Variants in MSTO1 observed in about 807,000 individuals in gnomAD.
MSTO1 encodes misato mitochondrial distribution and morphology regulator 1.
In MSTO1, 24 loss-of-function variants were observed where a neutral mutation model predicts 55.7. The ratio of observed to expected loss-of-function variants is 0.43; its 90% confidence interval spans 0.31 to 0.61. The LOEUF (loss-of-function observed/expected upper bound fraction) is 0.61, where lower values mean the gene tolerates loss of function less well. MSTO1 is among the 20% of genes least tolerant of loss of function. MSTO1 has a pLI of 0.09. For missense variants in MSTO1, 363 were observed against 625.7 expected (o/e 0.58, Z 4.48); for synonymous variants, 162 against 252.8 (o/e 0.64, Z 3.41).
the MSTO1 span, among the ~76,000 whole-genome samples, chr1:155,580,682 G>T: frequency 2.6e-5 from 4 of 152,108 alleles, no homozygotes. Context: ...ACTTTGGGAG[G>T]CCGAGGTGGG....
the MSTO1 span, among the ~76,000 whole-genome samples, chr1:155,588,408 G>C: frequency 6.6e-6 from 1 of 151,948 alleles, no homozygotes; most frequent in African/African-American, 2.4e-5. Flanking sequence ...GTTATTATTT[G>C]TTGGGTATTA....
At chr1:155,601,287 C>A in the MSTO1 span, among the ~76,000 whole-genome samples, 2 of 151,470 alleles carry the variant, frequency 1.3e-5, no homozygotes, top group Admixed American at 1.3e-4. Flanking sequence ...GCACCTGCCA[C>A]CACGCCCGGC....
chr1:155,612,449 A>C lies in MSTO1; in HGVS notation c.845A>C (p.Asn282Thr). 1 of 1,613,954 alleles carries C rather than the reference A, an allele frequency of 6.2e-7. No individual in the cohort carries two copies. The highest frequency in any genetic ancestry group is 1.1e-5 in the South Asian group (1 of 91,082). The change falls in exon 9 of 14, where the codon AAC becomes ACC. Residue 282 changes from asparagine to threonine, a missense_variant. Physicochemically the swap from Asn to Thr is moderately conservative, Grantham distance 65. Coordinates refer to ENST00000245564, the MANE Select transcript of MSTO1 (RefSeq NM_018116.4). The part of the protein sequence containing the change: ...EAQRNIYRLL[N>T]TAFGLVHLTA... Reference sequence around the variant, plus strand: ...CAGAGAAACATCTATCGTCTATTAAACACAGCTTTTGGTCTCGTGCACCTG... The same window carrying C: ...CAGAGAAACATCTATCGTCTATTAACCACAGCTTTTGGTCTCGTGCACCTG...
At chr1:155,576,744 T>C in the MSTO1 span, among the ~76,000 whole-genome samples, 1 of 150,452 alleles carries the variant, frequency 6.6e-6, no homozygotes, top group Non-Finnish European at 1.5e-5. Flanking sequence ...CTGAGCGCAG[T>C]GGCACACGCC....
chr1:155,563,275 G>A, the MSTO1 span: 1 of 456,240 alleles, frequency 2.2e-6, no homozygotes, highest in Admixed American at 2.4e-5. Flanking sequence ...TGTGGAGCTG[G>A]TCGCAGGCGG....
the MSTO1 span, among the ~76,000 whole-genome samples, chr1:155,572,378 T>A: frequency 6.6e-6 from 1 of 152,226 alleles, no homozygotes; most frequent in South Asian, 2.1e-4. Flanking sequence ...CTGGGTTTAG[T>A]ACAAAAGAAA....
At chr1:155,590,515 A>C in the MSTO1 span, 1 of 620,848 alleles carries the variant, frequency 1.6e-6, no homozygotes, top group Non-Finnish European at 2.7e-6. Flanking sequence ...AGGCAGAAAC[A>C]AAAGATATGA....
At chr1:155,577,249 C>T in the MSTO1 span, among the ~76,000 whole-genome samples, 2 of 151,278 alleles carry the variant, frequency 1.3e-5, no homozygotes, top group African/African-American at 2.4e-5. Flanking sequence ...CCACCACGCC[C>T]GGCTAATTTT....
chr1:155,613,261 T>C (rs759159269), intron 11 of MSTO1, 28 bp downstream of exon 11: 1 of 1,602,524 alleles, frequency 6.2e-7, no homozygotes, highest in South Asian at 1.1e-5. Flanking sequence ...TTAGGAGTCC[T>C]TGTCAGATTT....
At chr1:155,609,063 T>C (rs558880768), upstream of MSTO1, among the ~76,000 whole-genome samples, 2 of 148,464 alleles carry the variant, frequency 1.3e-5, no homozygotes, top group South Asian at 2.1e-4. Context: ...CTGACCTCAG[T>C]TGATCCTCCT....
At chr1:155,563,600 T>A in the MSTO1 span, 1 of 456,472 alleles carries the variant, frequency 2.2e-6, no homozygotes, top group South Asian at 1.5e-5. Context: ...TCATGGATGG[T>A]ACTTCTTCAG....
chr1:155,598,745 AC>A, the MSTO1 span: 110 of 620,630 alleles, frequency 1.8e-4, no homozygotes, highest in African/African-American at 1.6e-3. Flanking sequence ...AACAAAAAAA[AC>A]ATAAGTACTG....
chr1:155,591,332 T>A, the MSTO1 span: 1 of 1,171,836 alleles, frequency 8.5e-7, no homozygotes. Context: ...CACTTAATAT[T>A]AACCATCACG....
At chr1:155,580,605 CTT>C in the MSTO1 span, among the ~76,000 whole-genome samples, 1 of 152,224 alleles carries the variant, frequency 6.6e-6, no homozygotes, top group South Asian at 2.1e-4. Flanking sequence ...CAAGAATACT[CTT>C]TTTGTTGTTT....
chr1:155,611,451 G>A (rs1293197991), intron 4 of MSTO1, 98 bp from the exon 5 acceptor site: 7 of 1,611,388 alleles, frequency 4.3e-6, no homozygotes, highest in Non-Finnish European at 5.9e-6. Flanking sequence ...GAACAGAAAG[G>A]AGGCTATGCG....
chr1:155,612,385 G>A (rs1674365102), intron 8 of MSTO1, 33 bp from the exon 9 acceptor site: 15 of 1,590,360 alleles, frequency 9.4e-6, no homozygotes, highest in Non-Finnish European at 1.3e-5. Flanking sequence ...CAGTGGGAGA[G>A]CTGCTTAATA....
At chr1:155,574,287 A>C in the MSTO1 span, among the ~76,000 whole-genome samples, 1 of 152,134 alleles carries the variant, frequency 6.6e-6, no homozygotes, top group African/African-American at 2.4e-5. Context: ...TGGAGATTAC[A>C]ATGAGCCAAG....
chr1:155,609,985 C>T (rs922609017), upstream of MSTO1: 5 of 495,826 alleles, frequency 1.0e-5, no homozygotes, highest in East Asian at 3.6e-5. Context: ...GGAGACGGCG[C>T]CCACCCCGCT....
the MSTO1 span, among the ~76,000 whole-genome samples, chr1:155,579,321 GCAAACAAA>G: frequency 0.11 from 16,273 of 150,978 alleles, 1,089 homozygotes; most frequent in Non-Finnish European, 0.16. Flanking sequence ...CTCAAAACAA[GCAAACAAA>G]CAAACAAACA....
Sources: allele counts gnomAD v4.1 joint callset (sites outside exome capture counted in the v4.1 genomes callset), GRCh38; gene constraint gnomAD v4.1.1; transcripts MANE v1.5; gene names NCBI Gene and HGNC (gene_info 2026-07-23, HGNC 2026-07-21).